WDR89: variants seen among roughly 807,000 people sequenced by gnomAD.
WDR89 encodes WD repeat-containing protein 89.
In WDR89, 17 loss-of-function variants were observed where a neutral mutation model predicts 29.1. That is an observed-to-expected ratio of 0.58 (90% confidence interval 0.40 to 0.88). The LOEUF (loss-of-function observed/expected upper bound fraction) is 0.88. Among genes scored for constraint, WDR89 ranks in the 40% least tolerant of loss-of-function variants. The probability of loss-of-function intolerance (pLI) is 0.00; values close to 1 mark genes in which losing one functional copy is unlikely to be tolerated. For missense variants in WDR89, 396 were observed against 456.3 expected, an observed-to-expected ratio of 0.87 and a Z score of 1.20; for synonymous variants, 138 against 157.8, an observed-to-expected ratio of 0.87 and a Z score of 0.94.
At chr14:63,622,807 G>A (rs1595031401) in intron 2 of WDR89, among the ~76,000 whole-genome samples, 1 of 152,082 alleles carries the variant, frequency 6.6e-6, no homozygotes, top group East Asian at 1.9e-4. Context: ...GACAATAATA[G>A]TGACAGGATG....
At chr14:63,625,078 AAAC>A (rs759341075) in intron 1 of WDR89, 45 bp from the exon 2 acceptor site, 3 of 152,202 alleles carry the variant, frequency 2.0e-5, no homozygotes, top group East Asian at 1.9e-4. Flanking sequence ...ACAAAAAAAT[AAAC>A]AACAAAGACT....
At chr14:63,615,167 A>C in intron 2 of WDR89, among the ~76,000 whole-genome samples, 1 of 152,190 alleles carries the variant, frequency 6.6e-6, no homozygotes, top group East Asian at 1.9e-4. Context: ...TAACATCCTG[A>C]GATGTCCAGT....
At chr14:63,626,189 C>T (rs1342218869) in intron 1 of WDR89, among the ~76,000 whole-genome samples, 3 of 152,040 alleles carry the variant, frequency 2.0e-5, no homozygotes, top group African/African-American at 7.2e-5. Context: ...TAGACAAAAA[C>T]ATAACTAAAA....
chr14:63,602,797 TA>T (rs1440238865), intron 2 of WDR89, among the ~76,000 whole-genome samples: 1 of 151,200 alleles, frequency 6.6e-6, no homozygotes, highest in African/African-American at 2.4e-5. Flanking sequence ...AGATGTAATA[TA>T]AAAATTACCA....
At chr14:63,611,561 T>G (rs1881991549) in intron 2 of WDR89, among the ~76,000 whole-genome samples, 1 of 151,980 alleles carries the variant, frequency 6.6e-6, no homozygotes, top group African/African-American at 2.4e-5. Context: ...ATTTCTTAGT[T>G]AATAGTATTA....
chr14:63,625,976 C>T (rs1171970459), intron 1 of WDR89, among the ~76,000 whole-genome samples: 2 of 151,888 alleles, frequency 1.3e-5, no homozygotes, highest in Non-Finnish European at 2.9e-5. Context: ...TCCTCAGCCT[C>T]CCAAGTAGCT....
chr14:63,601,660 G>T, intron 2 of WDR89: 1 of 1,613,066 alleles, frequency 6.2e-7, no homozygotes, highest in Non-Finnish European at 8.5e-7. Context: ...GTTGGATCGG[G>T]TTCTAAAGGA....
At chr14:63,618,876 A>G (rs1231305820) in intron 2 of WDR89, among the ~76,000 whole-genome samples, 1 of 152,226 alleles carries the variant, frequency 6.6e-6, no homozygotes, top group Admixed American at 6.5e-5. Flanking sequence ...ACTTCTCAAT[A>G]GCAACCCTCG....
intron 2 of WDR89, among the ~76,000 whole-genome samples, chr14:63,610,219 TAAAAAAAAAA>T (rs56984803): frequency 4.6e-5 from 3 of 65,328 alleles, no homozygotes; most frequent in Admixed American, 1.9e-4. Context: ...GACTCTGTCT[TAAAAAAAAAA>T]AAAAAAAAAA....
At chr14:63,630,050 C>T (rs1398149970) in intron 1 of WDR89, among the ~76,000 whole-genome samples, 3 of 152,006 alleles carry the variant, frequency 2.0e-5, no homozygotes, top group Non-Finnish European at 4.4e-5. Context: ...CAGGTTCAAG[C>T]GATTTTCCTG....
intron 1 of WDR89, among the ~76,000 whole-genome samples, chr14:63,627,178 T>TC (rs1371649126): frequency 6.7e-6 from 1 of 149,776 alleles, no homozygotes; most frequent in East Asian, 2.0e-4. Context: ...TCTCTCTCTC[T>TC]CTCTCCTCTC....
At chr14:63,619,544 C>T (rs1264122210) in intron 2 of WDR89, among the ~76,000 whole-genome samples, 1 of 152,122 alleles carries the variant, frequency 6.6e-6, no homozygotes, top group Non-Finnish European at 1.5e-5. Flanking sequence ...TAAGTACACA[C>T]TCCCACTGCT....
chr14:63,623,918 C>CAAAAGAA lies in WDR89; in HGVS notation c.-32+1009_-32+1010insTTCTTTT, dbSNP rs1454840374. Among the ~76,000 whole-genome samples, 4 of 151,690 alleles carry CAAAAGAA rather than the reference C, an allele frequency of 2.6e-5. No homozygotes were observed. In the East Asian group the frequency reaches 7.7e-4, roughly 29 times the overall value. On this transcript the variant is annotated intron_variant, in intron 2 of 2. Coordinates refer to ENST00000620954, the MANE Select transcript of WDR89 (RefSeq NM_080666.4). Reference sequence around the variant, plus strand: ...GGAAATGGATAGAAAAAAGATATACCATGCAAATATTAATAAAAAGAAAGC... The same window carrying CAAAAGAA: ...GGAAATGGATAGAAAAAAGATATACCAAAAGAAATGCAAATATTAATAAAAAGAAAGC...
intron 1 of WDR89, among the ~76,000 whole-genome samples, chr14:63,630,422 C>A (rs531383746): frequency 6.6e-6 from 1 of 151,184 alleles, no homozygotes; most frequent in South Asian, 2.1e-4. Context: ...GCGGGAGGAT[C>A]ACCTGAGGTC....
At chr14:63,606,116 T>G (rs1387322156) in intron 2 of WDR89, among the ~76,000 whole-genome samples, 1 of 152,074 alleles carries the variant, frequency 6.6e-6, no homozygotes, top group Non-Finnish European at 1.5e-5. Flanking sequence ...TCCAGCTAAT[T>G]TTTGTATTTT....
intron 1 of WDR89, among the ~76,000 whole-genome samples, chr14:63,626,676 C>CAA (rs35582220): frequency 0.093 from 3,196 of 34,452 alleles, 1,158 homozygotes; most frequent in Non-Finnish European, 0.12. Flanking sequence ...GAGACTGTCT[C>CAA]AAAAAAAAAA....
At chr14:63,601,277 T>C (rs1895051168) in intron 2 of WDR89, among the ~76,000 whole-genome samples, 1 of 151,878 alleles carries the variant, frequency 6.6e-6, no homozygotes, top group South Asian at 2.1e-4. Context: ...TATAGAATCC[T>C]GGAGAAGTCC....
At chr14:63,608,418 T>C (rs570868226) in intron 2 of WDR89, among the ~76,000 whole-genome samples, 18 of 152,108 alleles carry the variant, frequency 1.2e-4, no homozygotes, top group African/African-American at 4.1e-4. Flanking sequence ...AAAAAATCTG[T>C]CTAGTAAGTT....
chr14:63,606,101 C>T (rs558733280), intron 2 of WDR89, among the ~76,000 whole-genome samples: 16 of 152,144 alleles, frequency 1.1e-4, no homozygotes, highest in Middle Eastern at 3.4e-3. Flanking sequence ...GCTCAGGCCA[C>T]CACATCCAGC....
Sources: allele counts gnomAD v4.1 joint callset (sites outside exome capture counted in the v4.1 genomes callset), GRCh38; gene constraint gnomAD v4.1.1; transcripts MANE v1.5; gene names NCBI Gene and HGNC (gene_info 2026-07-23, HGNC 2026-07-21).